ASTN2: variants seen among roughly 807,000 people sequenced by gnomAD.
The protein encoded by ASTN2 is astrotactin-2.
A neutral mutation model predicts 139.8 loss-of-function variants in ASTN2; 54 were observed. The ratio of observed to expected loss-of-function variants is 0.39; its 90% CI spans 0.31 to 0.48. The LOEUF (loss-of-function observed/expected upper bound fraction) is 0.48. Among genes scored for constraint, ASTN2 ranks in the 20% least tolerant of loss-of-function variants. The probability of loss-of-function intolerance (pLI) is 0.95; values close to 1 mark genes in which losing one functional copy is unlikely to be tolerated. For synonymous variants in ASTN2, 756 were observed against 719.5 expected (o/e 1.05, Z -0.81); for missense variants, 1,565 against 1,725.1 (o/e 0.91, Z 1.64).
intron 20 of ASTN2, among the ~76,000 whole-genome samples, chr9:116,464,678 T>G (rs973242499): frequency 5.3e-5 from 8 of 152,190 alleles, no homozygotes; most frequent in Non-Finnish European, 8.8e-5. Context: ...ACTAACATAT[T>G]GAGTTCTGTG....
intron 7 of ASTN2, among the ~76,000 whole-genome samples, chr9:116,990,264 TTTTGTTTG>T (rs1199728064): frequency 6.6e-6 from 1 of 152,212 alleles, no homozygotes; most frequent in African/African-American, 2.4e-5. Context: ...TTAAAAGTTC[TTTTGTTTG>T]TTTGTTTGCT....
chr9:117,121,515 T>C lies in ASTN2; in HGVS notation c.1168+19811A>G, dbSNP rs1829557462. ...CAGCAAATTACACACTTGGGAATATTTCCCTGACCCATTTTCCAAGTAGCA... is the reference window on the plus strand; with the variant it reads ...CAGCAAATTACACACTTGGGAATATCTCCCTGACCCATTTTCCAAGTAGCA... On this transcript the variant is annotated intron_variant, in intron 4 of 22. Coordinates refer to ENST00000313400, the MANE Select transcript of ASTN2 (RefSeq NM_001365068.1). 3.9e-5 allele frequency among the ~76,000 whole-genome samples: 6 copies of C among 152,176 alleles called. No individual in the cohort carries two copies. In the South Asian group the frequency reaches 1.2e-3, roughly 32 times the overall value.
chr9:117,274,349 C>CAA (rs199581935), intron 2 of ASTN2, among the ~76,000 whole-genome samples: 40 of 150,818 alleles, frequency 2.7e-4, no homozygotes, highest in Middle Eastern at 3.4e-3. Context: ...GACTCCGTCT[C>CAA]AAAAAAAAAT....
At chr9:117,171,164 A>AAAAAC (rs1554786461) in intron 3 of ASTN2, among the ~76,000 whole-genome samples, 10 of 150,868 alleles carry the variant, frequency 6.6e-5, no homozygotes, top group Non-Finnish European at 1.5e-4. Flanking sequence ...GGCAAAAGAA[A>AAAAAC]AAAAGAAAAG....
chr9:116,518,357 C>G (rs927213107), intron 19 of ASTN2, among the ~76,000 whole-genome samples: 8 of 152,094 alleles, frequency 5.3e-5, no homozygotes, highest in Non-Finnish European at 1.0e-4. Flanking sequence ...TTATTTTTAG[C>G]CTGCTTAAAC....
chr9:116,938,507 T>G (rs1421549645), intron 10 of ASTN2, among the ~76,000 whole-genome samples: 1 of 152,206 alleles, frequency 6.6e-6, no homozygotes, highest in African/African-American at 2.4e-5. Context: ...GCCCTTGAGC[T>G]GGCTGCTGGC....
chr9:117,025,264 G>A (rs977599797), intron 6 of ASTN2, among the ~76,000 whole-genome samples: 1 of 152,132 alleles, frequency 6.6e-6, no homozygotes, highest in Non-Finnish European at 1.5e-5. Flanking sequence ...GCTCAAAATA[G>A]TTTCTGGCTC....
chr9:116,883,444 T>C (rs1440257488), intron 10 of ASTN2, among the ~76,000 whole-genome samples: 1 of 152,192 alleles, frequency 6.6e-6, no homozygotes. Context: ...TGTCCCTTTC[T>C]TCTGATAACA....
intron 19 of ASTN2, among the ~76,000 whole-genome samples, chr9:116,540,122 C>G (rs980926899): frequency 3.3e-5 from 5 of 152,156 alleles, no homozygotes; most frequent in Admixed American, 3.3e-4. Flanking sequence ...AAAATACTGG[C>G]TGTATTCTTT....
At chr9:117,047,991 C>T (rs968690010) in intron 5 of ASTN2, among the ~76,000 whole-genome samples, 4 of 152,134 alleles carry the variant, frequency 2.6e-5, no homozygotes, top group Non-Finnish European at 4.4e-5. Context: ...TCTACTATCA[C>T]TCACATTTTT....
chr9:116,823,624 A>G (rs1307165001), intron 11 of ASTN2, among the ~76,000 whole-genome samples: 1 of 152,220 alleles, frequency 6.6e-6, no homozygotes, highest in Non-Finnish European at 1.5e-5. Flanking sequence ...TTCTCTGTCC[A>G]CTACACTCAC....
chr9:117,283,728 ACTC>A (rs1183961574), intron 2 of ASTN2, among the ~76,000 whole-genome samples: 8 of 151,982 alleles, frequency 5.3e-5, no homozygotes, highest in East Asian at 1.9e-4. Flanking sequence ...TTTCCCTACT[ACTC>A]TGTCTTTTCT....
At chr9:116,432,961 G>GAGGGAAGGAAGGA (rs1332670936) in intron 22 of ASTN2, among the ~76,000 whole-genome samples, 3 of 152,014 alleles carry the variant, frequency 2.0e-5, no homozygotes, top group African/African-American at 7.2e-5. Context: ...AGGAAGGAAG[G>GAGGGAAGGAAGGA]AGGGAAGGAA....
At chr9:116,615,364 C>A (rs905453805) in intron 19 of ASTN2, among the ~76,000 whole-genome samples, 1 of 152,136 alleles carries the variant, frequency 6.6e-6, no homozygotes, top group Non-Finnish European at 1.5e-5. Flanking sequence ...ACCCAGCCAT[C>A]CCATTACTGG....
intron 19 of ASTN2, among the ~76,000 whole-genome samples, chr9:116,601,808 T>A (rs1348992007): frequency 1.3e-5 from 2 of 152,140 alleles, no homozygotes; most frequent in Non-Finnish European, 2.9e-5. Flanking sequence ...ATGCTTATAG[T>A]CAGTTGAATA....
intron 10 of ASTN2, among the ~76,000 whole-genome samples, chr9:116,924,663 G>C (rs192279419): frequency 6.6e-6 from 1 of 152,138 alleles, no homozygotes; most frequent in African/African-American, 2.4e-5. Flanking sequence ...AAACAGTCAT[G>C]GTGCTGGTGG....
rs1296659562 is a variant in ASTN2, at chr9:117,214,579, C to T, written c.794G>A (p.Arg265Gln). The change falls in exon 3 of 23, where the codon CGG becomes CAG. Residue 265 changes from arginine (R) to glutamine (Q), a missense_variant. By Grantham distance (43) the Arg-to-Gln change is conservative. This residue lies in a region of ASTN2 where 596 missense variants were observed against 576.8 expected (regional missense o/e 1.03). Coordinates refer to ENST00000313400, the MANE Select transcript of ASTN2 (RefSeq NM_001365068.1). The part of the protein sequence containing the change: ...IPSVLLGPQA[R>Q]ESFRSSRLQT... ...CAGCCGGGATGAACGGAAGCTCTCC[C>T]GCGCCTGGGGACCCAGCAGCACAGA... 4 of 1,608,972 alleles carry T rather than the reference C, an allele frequency of 2.5e-6. No homozygotes were observed. Among genetic ancestry groups the T allele is most frequent in the Admixed American group, 1.7e-5 (1 of 59,948 alleles).
chr9:116,467,252 T>TAG (rs3984941), intron 20 of ASTN2, among the ~76,000 whole-genome samples: 21 of 150,630 alleles, frequency 1.4e-4, no homozygotes, highest in African/African-American at 3.2e-4. Context: ...AGGAAAGAGA[T>TAG]AGAGAGAGAG....
At chr9:117,052,553 A>G (rs1235443135) in intron 5 of ASTN2, among the ~76,000 whole-genome samples, 1 of 152,222 alleles carries the variant, frequency 6.6e-6, no homozygotes, top group East Asian at 1.9e-4. Flanking sequence ...ATTTAAGACC[A>G]ATACATATAA....
Sources: gnomAD v4.1 joint callset for allele counts (sites outside exome capture counted in the v4.1 genomes callset) on GRCh38, gnomAD v4.1.1 for gene constraint, gnomAD v4.1.1 regional missense constraint, MANE v1.5 for transcripts, NCBI Gene and HGNC (gene_info 2026-07-23, HGNC 2026-07-21) for gene names.